The following ZNF804A variants were observed in gnomAD, a reference collection of about 807,000 sequenced individuals.
The protein encoded by ZNF804A is zinc finger protein 804A.
ZNF804A carries 2 observed loss-of-function variants against 16.5 expected under a neutral mutation model. The ratio of observed to expected loss-of-function variants is 0.12; its 90% confidence interval spans 0.05 to 0.38. The LOEUF (loss-of-function observed/expected upper bound fraction) is 0.38. Ranked by LOEUF, ZNF804A falls within the 10% of genes least tolerant of loss-of-function variation. The pLI, the probability that ZNF804A is intolerant of heterozygous loss-of-function variation, is 0.99. For missense variants in ZNF804A, 1,473 were observed against 1,390.7 expected (o/e 1.06, Z -0.94); for synonymous variants, 534 against 489.6 (o/e 1.09, Z -1.20).
At chr2:184,861,197 T>G (rs1695795702) in intron 1 of ZNF804A, among the ~76,000 whole-genome samples, 1 of 152,170 alleles carries the variant, frequency 6.6e-6, no homozygotes, top group African/African-American at 2.4e-5. Flanking sequence ...TATGTTCACA[T>G]TCCTCTCCTT....
intron 1 of ZNF804A, among the ~76,000 whole-genome samples, chr2:184,626,545 A>G (rs1691503658): frequency 6.6e-6 from 1 of 152,204 alleles, no homozygotes; most frequent in Non-Finnish European, 1.5e-5. Flanking sequence ...CATCTGAATT[A>G]CATAGACATA....
intron 1 of ZNF804A, among the ~76,000 whole-genome samples, chr2:184,806,105 T>A (rs1008804509): frequency 6.6e-6 from 1 of 151,758 alleles, no homozygotes; most frequent in Non-Finnish European, 1.5e-5. Flanking sequence ...AGAAAAAAAA[T>A]TATTTTTTTG....
intron 1 of ZNF804A, among the ~76,000 whole-genome samples, chr2:184,855,674 G>T (rs1404101830): frequency 6.6e-6 from 1 of 151,764 alleles, no homozygotes; most frequent in Non-Finnish European, 1.5e-5. Context: ...ACTAACAGCA[G>T]CGAATGAATA....
chr2:184,599,584 T>C (rs1195234444), intron 1 of ZNF804A, among the ~76,000 whole-genome samples: 2 of 152,184 alleles, frequency 1.3e-5, no homozygotes, highest in African/African-American at 4.8e-5. Context: ...CAGTGAGAAG[T>C]TGTCTGTGCT....
intron 1 of ZNF804A, among the ~76,000 whole-genome samples, chr2:184,737,310 C>G (rs1429285594): frequency 6.6e-6 from 1 of 151,934 alleles, no homozygotes; most frequent in African/African-American, 2.4e-5. Context: ...ATCCACCTGC[C>G]CCGGCCTCCC....
At chr2:184,857,807 T>C (rs1695725849) in intron 1 of ZNF804A, among the ~76,000 whole-genome samples, 1 of 152,178 alleles carries the variant, frequency 6.6e-6, no homozygotes, top group South Asian at 2.1e-4. Context: ...TGCATGTACA[T>C]CTTTTTTCAT....
At chr2:184,656,162 T>C (rs1250612833) in intron 1 of ZNF804A, among the ~76,000 whole-genome samples, 11 of 152,158 alleles carry the variant, frequency 7.2e-5, no homozygotes, top group Admixed American at 7.2e-4. Context: ...GCATTTATGG[T>C]ATGTGTATCT....
chr2:184,936,286 A>G lies in ZNF804A; in HGVS notation c.890A>G (p.Lys297Arg). Residue 297 changes from lysine to arginine, a missense_variant, in exon 4 of 4, where the codon AAA (lysine) becomes AGA (arginine). Coordinates refer to ENST00000302277, the MANE Select transcript of ZNF804A (RefSeq NM_194250.2). ...GAAACTGTTCAAACTCAAGAGATAA[A>G]AGAAGTCTCTAGTGAAAAAGATGCA... Reference protein sequence around the residue: ...DKETVQTQEIKEVSSEKDALL... With the variant: ...DKETVQTQEIREVSSEKDALL... 6.2e-7 allele frequency: 1 copy of G among 1,613,946 alleles called. No homozygotes were observed. The highest frequency in any genetic ancestry group is 8.5e-7 in the Non-Finnish European group (1 of 1,179,936).
At chr2:184,733,632 G>T (rs1210620867) in intron 1 of ZNF804A, among the ~76,000 whole-genome samples, 1 of 152,064 alleles carries the variant, frequency 6.6e-6, no homozygotes, top group Non-Finnish European at 1.5e-5. Context: ...GAATACTTTA[G>T]TAAACCCATC....
chr2:184,841,682 TATC>T (rs1695438479), intron 1 of ZNF804A, among the ~76,000 whole-genome samples: 1 of 152,192 alleles, frequency 6.6e-6, no homozygotes, highest in African/African-American at 2.4e-5. Flanking sequence ...TGTTTTATAT[TATC>T]ATATGCTTAC....
chr2:184,636,306 T>G (rs369738574), intron 1 of ZNF804A, among the ~76,000 whole-genome samples: 1 of 121,396 alleles, frequency 8.2e-6, no homozygotes, highest in Non-Finnish European at 1.8e-5. Flanking sequence ...TTGTTTTCTT[T>G]TGTGTGTGTG....
chr2:184,817,795 G>C (rs1395387004), intron 1 of ZNF804A, among the ~76,000 whole-genome samples: 3 of 151,852 alleles, frequency 2.0e-5, no homozygotes, highest in Non-Finnish European at 2.9e-5. Context: ...ACTGAACAGA[G>C]GTAAGAATTA....
intron 1 of ZNF804A, among the ~76,000 whole-genome samples, chr2:184,825,158 T>G (rs577302937): frequency 1.3e-5 from 2 of 152,280 alleles, no homozygotes; most frequent in East Asian, 3.9e-4. Flanking sequence ...GTATCAGTCA[T>G]TTTTTCACTT....
intron 1 of ZNF804A, among the ~76,000 whole-genome samples, chr2:184,818,598 A>G (rs1465787915): frequency 1.3e-5 from 2 of 152,082 alleles, no homozygotes; most frequent in East Asian, 1.9e-4. Flanking sequence ...CCCCAGTTAA[A>G]AGACACAGAA....
chr2:184,738,968 A>G (rs1444905004), intron 1 of ZNF804A, among the ~76,000 whole-genome samples: 1 of 152,206 alleles, frequency 6.6e-6, no homozygotes, highest in Non-Finnish European at 1.5e-5. Flanking sequence ...GGTTTGTAGA[A>G]TCATTTATGA....
intron 1 of ZNF804A, among the ~76,000 whole-genome samples, chr2:184,604,978 G>A (rs1056295100): frequency 3.3e-5 from 5 of 151,880 alleles, no homozygotes; most frequent in African/African-American, 4.8e-5. Flanking sequence ...GTATTTTGCT[G>A]TTGTTTTTGA....
In ZNF804A at chr2:184,925,395, C is replaced by T. The variant is rs369121242; in HGVS notation, c.256-8208C>T. Among the ~76,000 whole-genome samples the T allele has an allele frequency of 5.9e-5, 9 of 152,018 alleles. No individual in the cohort carries two copies. In the South Asian group the frequency reaches 6.2e-4, roughly 11 times the overall value. Reference sequence around the variant, plus strand: ...TCCATTGTCATGGGATAACTTTTCCCATCCTTTCATTTTCACTCTGTGTGT... The same window carrying T: ...TCCATTGTCATGGGATAACTTTTCCTATCCTTTCATTTTCACTCTGTGTGT... On this transcript the variant is annotated intron_variant, in intron 2 of 3. Transcript: ENST00000302277.
At chr2:184,777,886 G>C (rs1313950571) in intron 1 of ZNF804A, among the ~76,000 whole-genome samples, 1 of 151,504 alleles carries the variant, frequency 6.6e-6, no homozygotes, top group African/African-American at 2.4e-5. Flanking sequence ...TGATTTTGTT[G>C]AGTTGATAAA....
intron 1 of ZNF804A, among the ~76,000 whole-genome samples, chr2:184,736,849 G>A (rs1390989273): frequency 2.1e-5 from 3 of 145,396 alleles, no homozygotes; most frequent in African/African-American, 5.0e-5. Context: ...TTTAGAACTC[G>A]TATTTCTTCT....
Sources: gnomAD v4.1 joint callset for allele counts (sites outside exome capture counted in the v4.1 genomes callset) on GRCh38, gnomAD v4.1.1 for gene constraint, MANE v1.5 for transcripts, NCBI Gene and HGNC (gene_info 2026-07-23, HGNC 2026-07-21) for gene names.